Variants in SP100 observed in about 807,000 individuals in gnomAD.
SP100 encodes nuclear autoantigen Sp-100.
SP100 carries 84 observed loss-of-function variants against 130.0 expected under a neutral mutation model. That is an observed-to-expected ratio of 0.65 (90% CI 0.54 to 0.77). SP100 has a LOEUF of 0.77. Among genes scored for constraint, SP100 ranks in the 30% least tolerant of loss-of-function variants. The pLI is 0.00. For missense variants in SP100, 978 were observed against 1,052.2 expected, an observed-to-expected ratio of 0.93 and a Z score of 0.97; for synonymous variants, 331 against 351.7, an observed-to-expected ratio of 0.94 and a Z score of 0.66.
intron 18 of SP100, among the ~76,000 whole-genome samples, chr2:230,496,017 A>G (rs1482041332): frequency 6.6e-6 from 1 of 152,188 alleles, no homozygotes; most frequent in Non-Finnish European, 1.5e-5. Flanking sequence ...GTATATACAT[A>G]TAATATTTCT....
At chr2:230,472,625 GAAGT>G (rs1177984357) in intron 15 of SP100, among the ~76,000 whole-genome samples, 2 of 151,946 alleles carry the variant, frequency 1.3e-5, no homozygotes. Context: ...GGTACAACAA[GAAGT>G]ATGTAGAGAA....
rs4374364 is a variant in SP100, at chr2:230,487,821, G to A, written c.1601-6595G>A. Among the ~76,000 whole-genome samples, 829 of 152,250 alleles carry A rather than the reference G, an allele frequency of 5.4e-3. 17 individuals are homozygous for A. The highest frequency in any genetic ancestry group is 0.02 in the Admixed American group (310 of 15,290). On this transcript the variant is annotated intron_variant, in intron 17 of 28. Coordinates refer to ENST00000340126, the MANE Select transcript of SP100 (RefSeq NM_001080391.2). The stretch of plus-strand genomic sequence containing the variant: ...ATTGATTCTTCCTATCCATAAGGTT[G>A]GAATGTTTTTTCATTTATTCATGTC...
intron 2 of SP100, among the ~76,000 whole-genome samples, chr2:230,438,648 TACACACACAC>T (rs796889943): frequency 1.1e-4 from 14 of 127,484 alleles, no homozygotes; most frequent in Admixed American, 6.5e-4. Context: ...TGTATATATA[TACACACACAC>T]ACACACACAC....
At chr2:230,454,688 G>A (rs1161078445) in intron 8 of SP100, among the ~76,000 whole-genome samples, 1 of 152,074 alleles carries the variant, frequency 6.6e-6, no homozygotes, top group Non-Finnish European at 1.5e-5. Flanking sequence ...GTTAAAACTT[G>A]TTTTGTAGCC....
chr2:230,497,049 C>A (rs1254042386), intron 18 of SP100, among the ~76,000 whole-genome samples: 5 of 152,280 alleles, frequency 3.3e-5, no homozygotes, highest in Middle Eastern at 3.4e-3. Flanking sequence ...ATGGTGTTAA[C>A]CTTTAGTATT....
chr2:230,489,571 G>T (rs1404614334), intron 17 of SP100, among the ~76,000 whole-genome samples: 1 of 151,826 alleles, frequency 6.6e-6, no homozygotes, highest in African/African-American at 2.4e-5. Flanking sequence ...GGATTAGTTT[G>T]CTCTTGTCTC....
intron 2 of SP100, among the ~76,000 whole-genome samples, chr2:230,432,950 C>A (rs1291174741): frequency 2.0e-5 from 3 of 152,054 alleles, no homozygotes; most frequent in Admixed American, 6.6e-5. Context: ...TTCCAAAAGT[C>A]TTATCATTTT....
chr2:230,522,473 G>GTTTTTTTT (rs1553645236), intron 24 of SP100, among the ~76,000 whole-genome samples: 2 of 47,500 alleles, frequency 4.2e-5, no homozygotes, highest in Non-Finnish European at 8.5e-5. Flanking sequence ...TGGCCCCAGT[G>GTTTTTTTT]TTCTTTTTTT....
chr2:230,432,288 T>G (rs1246607363), intron 2 of SP100, among the ~76,000 whole-genome samples: 1 of 152,226 alleles, frequency 6.6e-6, no homozygotes, highest in Non-Finnish European at 1.5e-5. Context: ...CATTTGCCAG[T>G]CAATGGAAAT....
At chr2:230,498,682 GA>G in intron 19 of SP100, 147 bp downstream of exon 19, 12 of 428,878 alleles carry the variant, frequency 2.8e-5, no homozygotes, top group East Asian at 7.7e-5. Flanking sequence ...ATATGTCAGG[GA>G]AAAAAAGATG....
chr2:230,530,515 C>CA (rs1156796272), intron 24 of SP100, among the ~76,000 whole-genome samples: 1 of 152,144 alleles, frequency 6.6e-6, no homozygotes, highest in Non-Finnish European at 1.5e-5. Context: ...AGGATATAGG[C>CA]ATGGGCAAAG....
rs752616413 is a variant in SP100, at chr2:230,470,096, C to T, written c.1427C>T (p.Ser476Leu). The T allele has an allele frequency of 1.9e-6, 3 of 1,605,844 alleles. No individual in the cohort carries two copies. Among genetic ancestry groups the T allele is most frequent in the South Asian group, 1.1e-5 (1 of 89,510 alleles). Residue 476 changes from serine to leucine, a missense_variant and splice_region_variant, in exon 15 of 29, where the codon TCA becomes TTA. Physicochemically the swap from Ser to Leu is moderately radical, Grantham distance 145. Transcript: ENST00000340126. Reference protein sequence around the residue: ...ETCSSSLRRGSGSQPQEPENK... With the variant: ...ETCSSSLRRGLGSQPQEPENK... ...TGCAGCTCATCCCTAAGAAGAGGGT[C>T]AGGTAAAGAAGATTAGGATGCCAAG...
At chr2:230,436,888 A>T (rs1373064290) in intron 2 of SP100, among the ~76,000 whole-genome samples, 2 of 150,150 alleles carry the variant, frequency 1.3e-5, no homozygotes, top group African/African-American at 4.9e-5. Flanking sequence ...ACACACACAT[A>T]TATGTGTATA....
chr2:230,470,152 T>C, intron 15 of SP100, 54 bp downstream of exon 15: 1 of 1,560,510 alleles, frequency 6.4e-7, no homozygotes. Flanking sequence ...GGAATGTGAA[T>C]TAAAAGCTGC....
At chr2:230,434,030 G>C (rs904010224) in intron 2 of SP100, among the ~76,000 whole-genome samples, 8 of 151,486 alleles carry the variant, frequency 5.3e-5, no homozygotes, top group African/African-American at 1.9e-4. Flanking sequence ...GAAGGGACCT[G>C]GTTAGAACCC....
At chr2:230,532,605 G>A (rs1024854087) in intron 24 of SP100, among the ~76,000 whole-genome samples, 4 of 151,910 alleles carry the variant, frequency 2.6e-5, no homozygotes, top group Non-Finnish European at 5.9e-5. Flanking sequence ...AGTCTTTCAT[G>A]TGTGTACTTG....
At chr2:230,472,939 T>G (rs2149998896) in intron 15 of SP100, among the ~76,000 whole-genome samples, 1 of 152,290 alleles carries the variant, frequency 6.6e-6, no homozygotes, top group East Asian at 1.9e-4. Context: ...TCTAAACTCA[T>G]TCATCCAAGT....
chr2:230,512,665 C>T (rs1690686254), intron 24 of SP100, among the ~76,000 whole-genome samples: 1 of 152,130 alleles, frequency 6.6e-6, no homozygotes, highest in Non-Finnish European at 1.5e-5. Flanking sequence ...ACAGTTTTTC[C>T]ACAGACCGGG....
At position 230,541,193 on chromosome 2, in the gene SP100, G is replaced by T. The variant is rs939188631; in HGVS notation, c.2332-108G>T. 8.0e-6 allele frequency: 10 copies of T among 1,245,878 alleles called. No individual in the cohort carries two copies. The East Asian group carries it at 1.9e-4, about 23-fold the overall frequency. 77.2% of individuals were successfully genotyped at this position (1,245,878 alleles called of 1,614,324 possible). A position where few individuals can be genotyped will look rare whatever the true frequency, so the allele number is the denominator to read the frequency against. Reference sequence around the variant, plus strand: ...CAAAGAAACTCCCCATGCCATGTTTGTTTCAAAGAGTCCACAGGTTTGGGA... The same window carrying T: ...CAAAGAAACTCCCCATGCCATGTTTTTTTCAAAGAGTCCACAGGTTTGGGA... On this transcript the variant is annotated intron_variant, in intron 26 of 28. Coordinates refer to ENST00000340126, the MANE Select transcript of SP100 (RefSeq NM_001080391.2).
Sources: allele counts gnomAD v4.1 joint callset (sites outside exome capture counted in the v4.1 genomes callset), GRCh38; gene constraint gnomAD v4.1.1; transcripts MANE v1.5; gene names NCBI Gene and HGNC (gene_info 2026-07-23, HGNC 2026-07-21).